The following EVC2 variants were observed in gnomAD, a reference collection of about 807,000 sequenced individuals.
The protein encoded by EVC2 is EvC ciliary complex subunit 2.
A neutral mutation model predicts 149.3 loss-of-function variants in EVC2; 148 were observed. That is an observed-to-expected ratio of 0.99 (90% CI 0.87 to 1.14). The LOEUF is 1.14. Ranked by LOEUF, EVC2 falls within the 50% of genes most tolerant of loss-of-function variation. EVC2 has a pLI of 0.00. For synonymous variants in EVC2, 776 were observed against 649.9 expected (o/e 1.19, Z -2.95); for missense variants, 1,854 against 1,627.3 (o/e 1.14, Z -2.40).
At chr4:5,630,850 A>G (rs773752921) in intron 11 of EVC2, among the ~76,000 whole-genome samples, 1 of 152,232 alleles carries the variant, frequency 6.6e-6, no homozygotes, top group South Asian at 2.1e-4. Context: ...GACAGTCGGA[A>G]TAGAAAATTC....
rs1719066607 is a variant in EVC2, at chr4:5,663,763, A to AC, written c.1006-518_1006-517insG. On this transcript the variant is annotated intron_variant, in intron 8 of 21. Transcript: ENST00000344408. Reference sequence around the variant, plus strand: ...CGGTGAAACCCTGTCTCTACTAAAAATACAAAAATTAGCCAGGCGTGGTGG... The same window carrying AC: ...CGGTGAAACCCTGTCTCTACTAAAAACTACAAAAATTAGCCAGGCGTGGTGG... 2.6e-5 allele frequency among the ~76,000 whole-genome samples: 4 copies of AC among 152,254 alleles called. No individual in the cohort carries two copies. In the South Asian group the frequency reaches 8.3e-4, roughly 32 times the overall value.
chr4:5,681,156 G>T (rs1165614575), intron 7 of EVC2, 104 bp downstream of exon 7: 3 of 1,329,286 alleles, frequency 2.3e-6, no homozygotes, highest in African/African-American at 2.9e-5. Context: ...ATAACTGGGG[G>T]ACCAAGGCCA....
In EVC2 at chr4:5,636,362, G is replaced by A. The variant is rs1357960021; in HGVS notation, c.1470+4152C>T. 6.6e-6 allele frequency among the ~76,000 whole-genome samples: 1 copy of A among 152,194 alleles called. No homozygotes were observed. The highest frequency in any genetic ancestry group is 1.5e-5 in the Non-Finnish European group (1 of 68,044). On this transcript the variant is annotated intron_variant, in intron 10 of 21. Transcript: ENST00000344408. The surrounding 1 kb of genome is among the most constrained non-coding windows in gnomAD (Gnocchi z 4.6). The stretch of plus-strand genomic sequence containing the variant: ...TAATTACAGTCAGCTCTCTGTATCT[G>A]TGGGTTCTGCATCCATAAATATAAC...
intron 7 of EVC2, among the ~76,000 whole-genome samples, chr4:5,666,936 A>C (rs1415757399): frequency 6.6e-6 from 1 of 152,152 alleles, no homozygotes; most frequent in Non-Finnish European, 1.5e-5. Context: ...TTCATGGCTA[A>C]AATAACTTTC....
downstream of EVC2, among the ~76,000 whole-genome samples, chr4:5,541,361 G>A (rs906832483): frequency 7.9e-5 from 12 of 152,174 alleles, no homozygotes; most frequent in African/African-American, 1.9e-4. Context: ...TAGGGAGTGC[G>A]TCCAGTGGTG....
downstream of EVC2, among the ~76,000 whole-genome samples, chr4:5,561,091 G>A (rs1721936959): frequency 1.3e-5 from 2 of 152,180 alleles, no homozygotes. Flanking sequence ...ATAATTTTAA[G>A]CCATTTTTTG....
downstream of EVC2, among the ~76,000 whole-genome samples, chr4:5,541,130 G>A (rs764628724): frequency 6.6e-6 from 1 of 152,150 alleles, no homozygotes; most frequent in Non-Finnish European, 1.5e-5. Flanking sequence ...GTAAGAATAC[G>A]ACTTTTTAAG....
intron 9 of EVC2, among the ~76,000 whole-genome samples, chr4:5,646,164 C>A (rs1169737858): frequency 1.3e-5 from 2 of 152,142 alleles, no homozygotes; most frequent in Non-Finnish European, 2.9e-5. Flanking sequence ...CTCCTGACCT[C>A]AAGTGATCCA....
intron 21 of EVC2, among the ~76,000 whole-genome samples, chr4:5,554,583 T>C (rs1721798211): frequency 6.6e-6 from 1 of 152,146 alleles, no homozygotes; most frequent in African/African-American, 2.4e-5. Flanking sequence ...CCTTATCCCC[T>C]TCCCCAGCAC....
At chr4:5,577,160 G>A (rs1373067841) in intron 17 of EVC2, among the ~76,000 whole-genome samples, 2 of 152,204 alleles carry the variant, frequency 1.3e-5, no homozygotes, top group Non-Finnish European at 2.9e-5. Flanking sequence ...AGGAACTGAG[G>A]CAGACAGAGT....
rs1197875608 is a variant in EVC2, at chr4:5,690,261, G to A, written c.520-918C>T. 2.0e-5 allele frequency among the ~76,000 whole-genome samples: 3 copies of A among 152,208 alleles called. 1 individual carries two copies. Among genetic ancestry groups the A allele is most frequent in the Non-Finnish European group, 4.4e-5 (3 of 68,038 alleles). ...GTTGAGGGCCTGTGATAAAATGAGG[G>A]TGGCACAGGAAAGGCTTAACTCAGC... On this transcript the variant is annotated intron_variant, in intron 4 of 21. Coordinates refer to ENST00000344408, the MANE Select transcript of EVC2 (RefSeq NM_147127.5).
chr4:5,563,217 C>A, intron 21 of EVC2, 102 bp from the exon 22 acceptor site: 2 of 1,116,542 alleles, frequency 1.8e-6, no homozygotes, highest in Non-Finnish European at 2.6e-6. Flanking sequence ...CTGAATTCCC[C>A]AACCCAGTGC....
intron 17 of EVC2, among the ~76,000 whole-genome samples, chr4:5,583,976 A>G (rs2108787407): frequency 6.6e-6 from 1 of 152,080 alleles, no homozygotes; most frequent in African/African-American, 2.4e-5. Context: ...TCCTGCCTTA[A>G]TAAGTATAAC....
chr4:5,568,485 C>T lies in EVC2; in HGVS notation c.3516G>A (p.Glu1172=), dbSNP rs755260649. Residue 1172 remains glutamate, a synonymous_variant, in exon 20 of 22, where the codon GAG becomes GAA. Transcript: ENST00000344408. The part of the protein sequence containing the change: ...ATERHVDHAA[E]SDGGAEQADV... ...CGGCCTGCTCCGCTCCGCCATCGCT[C>T]TCAGCTGCGTGGTCCACATGTCTCT... The T allele has an allele frequency of 1.3e-6, 2 of 1,582,080 alleles. No homozygotes were observed. The highest frequency in any genetic ancestry group is 1.7e-6 in the Non-Finnish European group (2 of 1,171,174).
chr4:5,594,762 A>C (rs1423728082), intron 16 of EVC2, among the ~76,000 whole-genome samples: 4 of 152,224 alleles, frequency 2.6e-5, no homozygotes, highest in Admixed American at 6.5e-5. Context: ...TCAGACGATC[A>C]AACTACTCCA....
chr4:5,568,407 G>T (rs1443695140), intron 20 of EVC2, 37 bp downstream of exon 20: 1 of 1,534,868 alleles, frequency 6.5e-7, no homozygotes, highest in South Asian at 1.2e-5. Context: ...TGTGGACAGG[G>T]ACGTGCCCCG....
At chr4:5,707,141 T>C (rs1722256463) in intron 1 of EVC2, among the ~76,000 whole-genome samples, 1 of 152,140 alleles carries the variant, frequency 6.6e-6, no homozygotes, top group Non-Finnish European at 1.5e-5. Context: ...CCCTGAGCCT[T>C]GGTTTTGTCA....
intron 1 of EVC2, among the ~76,000 whole-genome samples, chr4:5,706,381 C>CATAGATAGATAGATAGATACATAG (rs373650736): frequency 1.4e-4 from 1 of 7,390 alleles, no homozygotes; most frequent in Admixed American, 1.5e-3. Context: ...TAGATAGATA[C>CATAGATAGATAGATAGATACATAG]ATAGATAGAT....
rs914699157 is a variant in EVC2, at chr4:5,614,947, A to G, written c.2829+475T>C. Among the ~76,000 whole-genome samples the G allele has an allele frequency of 9.9e-5, 15 of 152,190 alleles. No homozygotes were observed. Among genetic ancestry groups the G allele is most frequent in the Non-Finnish European group, 1.9e-4 (13 of 68,040 alleles). On this transcript the variant is annotated intron_variant, in intron 16 of 21. Coordinates refer to ENST00000344408, the MANE Select transcript of EVC2 (RefSeq NM_147127.5). The surrounding 1 kb of genome is among the most constrained non-coding windows in gnomAD (Gnocchi z 4.7). The stretch of plus-strand genomic sequence containing the variant: ...AGCCGAGATCACACCACTGCACTCC[A>G]GCCTGGGTGACAGAGTAAGACTCCA...
Sources: gnomAD v4.1 joint callset for allele counts (sites outside exome capture counted in the v4.1 genomes callset) on GRCh38, gnomAD v4.1.1 for gene constraint, Gnocchi (gnomAD v3.1) non-coding constraint, MANE v1.5 for transcripts, NCBI Gene and HGNC (gene_info 2026-07-23, HGNC 2026-07-21) for gene names.